PUS7: variants seen among roughly 807,000 people sequenced by gnomAD.
PUS7 encodes the protein pseudouridine synthase 7.
PUS7 carries 48 observed loss-of-function variants against 79.8 expected under a neutral mutation model. The ratio of observed to expected loss-of-function variants is 0.60; its 90% confidence interval spans 0.48 to 0.76. PUS7 has a LOEUF of 0.76. PUS7 is among the 30% of genes least tolerant of loss of function. The probability of loss-of-function intolerance (pLI) is 0.00; values close to 1 mark genes in which losing one functional copy is unlikely to be tolerated. For missense variants in PUS7, 729 were observed against 797.6 expected (o/e 0.91, Z 1.04); for synonymous variants, 286 against 272.2 (o/e 1.05, Z -0.50).
chr7:105,459,298 C>A, intron 14 of PUS7, 39 bp from the exon 15 acceptor site: 1 of 1,405,634 alleles, frequency 7.1e-7, no homozygotes, highest in Non-Finnish European at 1.0e-6. Context: ...TGAATGTGAA[C>A]TTTCATAAAA....
At chr7:105,457,981 G>C in intron 15 of PUS7, 55 bp from the exon 16 acceptor site, 9 of 1,579,706 alleles carry the variant, frequency 5.7e-6, no homozygotes, top group Admixed American at 3.7e-5. Flanking sequence ...AGACAGACCA[G>C]CGAGAGTCAC....
chr7:105,495,865 C>T (rs935782586), intron 5 of PUS7, among the ~76,000 whole-genome samples: 1 of 152,028 alleles, frequency 6.6e-6, no homozygotes, highest in East Asian at 1.9e-4. Flanking sequence ...CTGTGTTAAA[C>T]AATGTAAGAT....
At chr7:105,477,316 T>G (rs1824153769) in intron 9 of PUS7, among the ~76,000 whole-genome samples, 1 of 152,102 alleles carries the variant, frequency 6.6e-6, no homozygotes, top group Admixed American at 6.6e-5. Context: ...GGTACAATCT[T>G]GGGTCACTTC....
intron 14 of PUS7, among the ~76,000 whole-genome samples, chr7:105,460,682 G>A (rs1356002486): frequency 1.3e-5 from 2 of 150,928 alleles, no homozygotes; most frequent in African/African-American, 4.9e-5. Flanking sequence ...GTGAAACCCC[G>A]TCTCTACTAA....
chr7:105,476,119 G>A lies in PUS7; in HGVS notation c.1176-3926C>T, dbSNP rs867227777. Reference sequence around the variant, plus strand: ...AGCCTGGGCGACAGAGCAAGACTCCGTCTCAAAAAAAAAAAAAAAAAAAAA... The same window carrying A: ...AGCCTGGGCGACAGAGCAAGACTCCATCTCAAAAAAAAAAAAAAAAAAAAA... On this transcript the variant is annotated intron_variant, in intron 9 of 15. Coordinates refer to ENST00000469408, the MANE Select transcript of PUS7 (RefSeq NM_019042.5). Among the ~76,000 whole-genome samples the A allele has an allele frequency of 4.6e-4, 46 of 100,058 alleles. 1 individual carries two copies. Among genetic ancestry groups the A allele is most frequent in the Middle Eastern group, 0.01 (1 of 100 alleles). 65.6% of individuals were successfully genotyped at this position (100,058 alleles called of 152,430 possible). A position where few individuals can be genotyped will look rare whatever the true frequency, so the allele number is the denominator to read the frequency against.
At chr7:105,504,182 G>A (rs1825366443) in intron 4 of PUS7, among the ~76,000 whole-genome samples, 1 of 139,814 alleles carries the variant, frequency 7.2e-6, no homozygotes, top group Admixed American at 7.2e-5. Flanking sequence ...TGATTCTCCC[G>A]CCTCAGCCTC....
intron 10 of PUS7, among the ~76,000 whole-genome samples, chr7:105,471,057 C>T (rs1056158714): frequency 1.3e-5 from 2 of 152,206 alleles, no homozygotes; most frequent in African/African-American, 2.4e-5. Flanking sequence ...CAATCACCCT[C>T]AGGTCAAAAG....
At chr7:105,499,845 T>C (rs1311735323) in intron 5 of PUS7, among the ~76,000 whole-genome samples, 1 of 152,236 alleles carries the variant, frequency 6.6e-6, no homozygotes, top group Non-Finnish European at 1.5e-5. Flanking sequence ...AATGATACTT[T>C]AAAAGCTAAA....
intron 9 of PUS7, among the ~76,000 whole-genome samples, chr7:105,478,862 G>A (rs77189770): frequency 0.019 from 2,946 of 152,222 alleles, 92 homozygotes; most frequent in African/African-American, 0.064. Flanking sequence ...CTTTGGTCAC[G>A]CTATGTAATT....
chr7:105,504,281 G>C (rs1003004387), intron 4 of PUS7, among the ~76,000 whole-genome samples: 3 of 151,756 alleles, frequency 2.0e-5, no homozygotes, highest in Non-Finnish European at 2.9e-5. Flanking sequence ...ATGTTGGTCA[G>C]GCTGGTCTCG....
intron 12 of PUS7, among the ~76,000 whole-genome samples, chr7:105,467,045 T>G (rs1000496147): frequency 1.5e-5 from 2 of 134,904 alleles, no homozygotes; most frequent in South Asian, 2.3e-4. Flanking sequence ...TTTTTTTTTT[T>G]TTTTTTTTTT....
chr7:105,491,340 C>CA (rs34224110), intron 7 of PUS7, among the ~76,000 whole-genome samples, 200 bp downstream of exon 7: 1 of 151,580 alleles, frequency 6.6e-6, no homozygotes, highest in Non-Finnish European at 1.5e-5. Context: ...TTGGCTTTAC[C>CA]AAAAAAATCT....
rs749723361 is a variant in PUS7, at chr7:105,475,496, ATT to A, written c.1176-3305_1176-3304del. Among the ~76,000 whole-genome samples, 9 of 151,116 alleles carry A rather than the reference ATT, an allele frequency of 6.0e-5. No homozygotes were observed. In the East Asian group the frequency reaches 7.8e-4, roughly 13 times the overall value. ...CACCGTGCCAGGCCATTTTTTTTGT[ATT>A]TTTTTAGTAGAGATGGGGTTTCACT... On this transcript the variant is annotated intron_variant, in intron 9 of 15. Transcript: ENST00000469408.
chr7:105,469,483 G>A lies in PUS7; in HGVS notation c.1399-1020C>T, dbSNP rs562885410. ...TCGTTTTATTTATTCATTTTGAGAC[G>A]GAGTCTCACTTTGTTGCCCAGGCTG... On this transcript the variant is annotated intron_variant, in intron 11 of 15. Coordinates refer to ENST00000469408, the MANE Select transcript of PUS7 (RefSeq NM_019042.5). Among the ~76,000 whole-genome samples, 34 of 151,434 alleles carry A rather than the reference G, an allele frequency of 2.2e-4. 1 individual carries two copies. The highest frequency in any genetic ancestry group is 7.3e-4 in the African/African-American group (30 of 41,292).
At chr7:105,484,026 T>C (rs1260706949) in intron 7 of PUS7, among the ~76,000 whole-genome samples, 1 of 152,234 alleles carries the variant, frequency 6.6e-6, no homozygotes, top group Non-Finnish European at 1.5e-5. Context: ...TGAGGTGATA[T>C]GGCCCTTTTC....
rs187665361 is a variant in PUS7, at chr7:105,493,223, T to A, written c.843-1606A>T. ...AAAAAATGAAAAAAGCCAAATGAAATGCTAAAACTGGGATCTGAATAGTTT... is the reference window on the plus strand; with the variant it reads ...AAAAAATGAAAAAAGCCAAATGAAAAGCTAAAACTGGGATCTGAATAGTTT... On this transcript the variant is annotated intron_variant, in intron 6 of 15. Coordinates refer to ENST00000469408, the MANE Select transcript of PUS7 (RefSeq NM_019042.5). Among the ~76,000 whole-genome samples, 409 of 152,304 alleles carry A rather than the reference T, an allele frequency of 2.7e-3. 1 individual carries two copies. The highest frequency in any genetic ancestry group is 4.5e-3 in the Non-Finnish European group (303 of 68,014).
chr7:105,496,214 TATATATATATATAG>T (rs1299370312), intron 5 of PUS7, among the ~76,000 whole-genome samples: 7 of 71,774 alleles, frequency 9.8e-5, no homozygotes, highest in African/African-American at 2.3e-4. Flanking sequence ...TATATATATA[TATATATATATATAG>T]AGAGAGAGAG....
intron 1 of PUS7, among the ~76,000 whole-genome samples, chr7:105,517,005 A>C (rs985177957): frequency 6.6e-6 from 1 of 152,132 alleles, no homozygotes; most frequent in South Asian, 2.1e-4. Context: ...TTTAAAAGAA[A>C]AAATTTTAAG....
At chr7:105,496,999 C>T in intron 5 of PUS7, 1 of 1,189,008 alleles carries the variant, frequency 8.4e-7, no homozygotes, top group Non-Finnish European at 1.1e-6. Flanking sequence ...ATAAAGAGCA[C>T]AAAAGAGCAA....
Sources: allele counts gnomAD v4.1 joint callset (sites outside exome capture counted in the v4.1 genomes callset), GRCh38; gene constraint gnomAD v4.1.1; transcripts MANE v1.5; gene names NCBI Gene and HGNC (gene_info 2026-07-23, HGNC 2026-07-21).